The following CALN1 variants were observed in gnomAD, a reference collection of about 807,000 sequenced individuals.
The protein encoded by CALN1 is calcium-binding protein 8.
In CALN1, 17 loss-of-function variants were observed where a neutral mutation model predicts 30.6. That is an observed-to-expected ratio of 0.56 (90% CI 0.38 to 0.83). The LOEUF is 0.83. CALN1 is among the 40% of genes least tolerant of loss of function. The pLI is 0.00. For synonymous variants in CALN1, 156 were observed against 131.4 expected (o/e 1.19, Z -1.28); for missense variants, 291 against 354.9 (o/e 0.82, Z 1.45).
chr7:72,252,828 A>G (rs547718187), intron 3 of CALN1, among the ~76,000 whole-genome samples: 1 of 152,224 alleles, frequency 6.6e-6, no homozygotes, highest in Admixed American at 6.5e-5. Flanking sequence ...CTGCCACAAG[A>G]GCAGAAGCTC....
intron 3 of CALN1, among the ~76,000 whole-genome samples, chr7:72,182,771 A>AAG (rs1260626426): frequency 6.0e-5 from 9 of 150,740 alleles, no homozygotes; most frequent in Admixed American, 2.0e-4. Flanking sequence ...CAATGTTGTA[A>AAG]AAAAAAAAAC....
intron 5 of CALN1, among the ~76,000 whole-genome samples, chr7:71,946,516 C>T (rs112698989): frequency 6.6e-5 from 10 of 151,930 alleles, no homozygotes; most frequent in South Asian, 4.2e-4. Flanking sequence ...TACAGGTGCA[C>T]GCCAACAGAC....
chr7:72,228,958 T>G (rs1019963791), intron 3 of CALN1, among the ~76,000 whole-genome samples: 20 of 132,066 alleles, frequency 1.5e-4, no homozygotes, highest in South Asian at 2.6e-4. Flanking sequence ...ATGTTGGTGG[T>G]GGGGGGCGGG....
chr7:72,409,837 G>A (rs1217625844), intron 1 of CALN1, among the ~76,000 whole-genome samples: 1 of 151,994 alleles, frequency 6.6e-6, no homozygotes, highest in Non-Finnish European at 1.5e-5. Context: ...AACCACGTTG[G>A]GCATCAAGTT....
chr7:71,916,405 A>G (rs1294869155), intron 5 of CALN1, among the ~76,000 whole-genome samples: 3 of 151,972 alleles, frequency 2.0e-5, no homozygotes, highest in Non-Finnish European at 4.4e-5. Context: ...TCAGGCAAAG[A>G]GTGGGCAGAG....
At position 72,386,366 on chromosome 7, in the gene CALN1, G is replaced by T. The variant is rs551826255; in HGVS notation, c.119+16885C>A. ...GGTTCGGAGAAAAGTGCTGACTTAAGTAACTTTGGAAATGGCTGGGTTCTA... is the reference window on the plus strand; with the variant it reads ...GGTTCGGAGAAAAGTGCTGACTTAATTAACTTTGGAAATGGCTGGGTTCTA... On this transcript the variant is annotated intron_variant, in intron 2 of 6. Coordinates refer to ENST00000395275, the MANE Select transcript of CALN1 (RefSeq NM_031468.4). Among the ~76,000 whole-genome samples the T allele has an allele frequency of 3.9e-3, 601 of 152,288 alleles. 3 individuals carry two copies. The highest frequency in any genetic ancestry group is 0.014 in the African/African-American group (577 of 41,544).
intron 3 of CALN1, among the ~76,000 whole-genome samples, chr7:72,108,356 T>A (rs1359559912): frequency 1.3e-5 from 2 of 152,236 alleles, no homozygotes; most frequent in African/African-American, 4.8e-5. Flanking sequence ...CATTTATAAA[T>A]CTCAGAGATT....
At chr7:72,331,521 G>A (rs1679361229) in intron 2 of CALN1, among the ~76,000 whole-genome samples, 1 of 152,170 alleles carries the variant, frequency 6.6e-6, no homozygotes, top group Admixed American at 6.5e-5. Context: ...AATAACGGAG[G>A]ACAGGTGAGC....
intron 3 of CALN1, among the ~76,000 whole-genome samples, chr7:72,135,004 A>G (rs552507823): frequency 6.6e-6 from 1 of 152,342 alleles, no homozygotes; most frequent in Non-Finnish European, 1.5e-5. Context: ...TCAAGAAACT[A>G]CTTTCTTAGC....
chr7:72,210,519 G>A (rs926686129), intron 3 of CALN1, among the ~76,000 whole-genome samples: 6 of 152,162 alleles, frequency 3.9e-5, no homozygotes, highest in Admixed American at 1.3e-4. Context: ...TCACGGTTCA[G>A]CATGGCTGGG....
At chr7:71,863,775 C>T (rs1309762167) in intron 5 of CALN1, among the ~76,000 whole-genome samples, 1 of 152,130 alleles carries the variant, frequency 6.6e-6, no homozygotes, top group Non-Finnish European at 1.5e-5. Flanking sequence ...AGCCTGTCTA[C>T]ATCTCTTCCC....
At chr7:72,322,198 A>G (rs1800930622) in intron 2 of CALN1, among the ~76,000 whole-genome samples, 1 of 152,180 alleles carries the variant, frequency 6.6e-6, no homozygotes, top group African/African-American at 2.4e-5. Flanking sequence ...GTGACAGATC[A>G]TCAGGCATTA....
At chr7:72,495,879 G>A in the CALN1 span, among the ~76,000 whole-genome samples, 2 of 151,992 alleles carry the variant, frequency 1.3e-5, no homozygotes, top group Admixed American at 1.3e-4. Flanking sequence ...TGTATATCAT[G>A]GGCAGATAAT....
Position 71,809,698 on chromosome 7 carries a change from T to C in CALN1, c.658+638A>G, listed in dbSNP as rs889569182. On this transcript the variant is annotated intron_variant, in intron 6 of 6. Coordinates refer to ENST00000395275, the MANE Select transcript of CALN1 (RefSeq NM_031468.4). ...GATTAGGAGATTCAGTAGGCTCTCT[T>C]TTTTCTTTAAATTTGCTTTCATGAA... 5.8e-4 allele frequency among the ~76,000 whole-genome samples: 88 copies of C among 152,046 alleles called. 1 individual carries two copies. The highest frequency in any genetic ancestry group is 2.1e-3 in the African/African-American group (85 of 41,424).
At chr7:72,177,622 G>C (rs1290073304) in intron 3 of CALN1, among the ~76,000 whole-genome samples, 1 of 151,914 alleles carries the variant, frequency 6.6e-6, no homozygotes, top group Non-Finnish European at 1.5e-5. Context: ...AAAATTAGCT[G>C]GGCGTGGTGG....
At chr7:72,147,419 C>A (rs1324249567) in intron 3 of CALN1, among the ~76,000 whole-genome samples, 2 of 150,194 alleles carry the variant, frequency 1.3e-5, no homozygotes, top group Non-Finnish European at 3.0e-5. Context: ...CAATGAGATA[C>A]CATCTCACAC....
At chr7:71,821,821 T>C (rs555487847) in intron 5 of CALN1, among the ~76,000 whole-genome samples, 3 of 151,054 alleles carry the variant, frequency 2.0e-5, no homozygotes, top group Admixed American at 2.0e-4. Flanking sequence ...AGGGTCTCGC[T>C]GTGTCACCCA....
At chr7:72,263,503 C>G (rs1435585853) in intron 3 of CALN1, among the ~76,000 whole-genome samples, 1 of 152,004 alleles carries the variant, frequency 6.6e-6, no homozygotes, top group Admixed American at 6.6e-5. Context: ...TCACACAATC[C>G]TTCTCCCTCA....
chr7:71,863,702 C>T (rs948935057), intron 5 of CALN1, among the ~76,000 whole-genome samples: 1 of 151,858 alleles, frequency 6.6e-6, no homozygotes, highest in African/African-American at 2.4e-5. Context: ...AGTCTGTCTA[C>T]ACAACTGACT....
Sources: gnomAD v4.1 joint callset for allele counts (sites outside exome capture counted in the v4.1 genomes callset) on GRCh38, gnomAD v4.1.1 for gene constraint, MANE v1.5 for transcripts, NCBI Gene and HGNC (gene_info 2026-07-23, HGNC 2026-07-21) for gene names.